CDH13: variants seen among roughly 807,000 people sequenced by gnomAD.
The protein encoded by CDH13 is cadherin-13.
Under a neutral mutation model 63.8 loss-of-function variants are expected in CDH13, and 24 were observed. The observed-to-expected ratio is 0.38, with a 90% CI of 0.27 to 0.53. CDH13 has a LOEUF of 0.53. Among genes scored for constraint, CDH13 ranks in the 20% least tolerant of loss-of-function variants. The pLI, the probability that CDH13 is intolerant of heterozygous loss-of-function variation, is 0.85. For missense variants in CDH13, 1,049 were observed against 903.1 expected (o/e 1.16, Z -2.07); for synonymous variants, 503 against 355.3 (o/e 1.42, Z -4.67).
At chr16:83,236,464 A>T (rs892702424) in intron 5 of CDH13, among the ~76,000 whole-genome samples, 12 of 152,212 alleles carry the variant, frequency 7.9e-5, no homozygotes, top group African/African-American at 2.9e-4. Context: ...ACCATTATAG[A>T]AGTTACTCTT....
At chr16:82,924,175 A>C (rs2042238115) in intron 2 of CDH13, among the ~76,000 whole-genome samples, 1 of 152,222 alleles carries the variant, frequency 6.6e-6, no homozygotes, top group East Asian at 1.9e-4. Context: ...TTCTGTAAGA[A>C]GGTGGTAAAT....
intron 2 of CDH13, among the ~76,000 whole-genome samples, chr16:82,897,929 A>G (rs1029649217): frequency 1.3e-5 from 2 of 152,232 alleles, no homozygotes; most frequent in African/African-American, 4.8e-5. Flanking sequence ...TCCATGGACT[A>G]AGTGTTAATC....
At chr16:82,914,399 G>A (rs2041922517) in intron 2 of CDH13, among the ~76,000 whole-genome samples, 1 of 152,170 alleles carries the variant, frequency 6.6e-6, no homozygotes, top group Non-Finnish European at 1.5e-5. Flanking sequence ...CCTACGTTCA[G>A]CAATTTTAAG....
At chr16:83,398,396 C>T (rs1253221475) in intron 6 of CDH13, among the ~76,000 whole-genome samples, 1 of 152,096 alleles carries the variant, frequency 6.6e-6, no homozygotes, top group Non-Finnish European at 1.5e-5. Flanking sequence ...TTTACGTGGC[C>T]TCCTCCTCTT....
chr16:83,064,283 C>G (rs995749124), intron 3 of CDH13, among the ~76,000 whole-genome samples: 2 of 152,112 alleles, frequency 1.3e-5, no homozygotes, highest in African/African-American at 4.8e-5. Flanking sequence ...ATAGGAAAAT[C>G]GCTTGAACCC....
At chr16:83,627,889 T>G (rs892378384) in intron 8 of CDH13, among the ~76,000 whole-genome samples, 8 of 152,226 alleles carry the variant, frequency 5.3e-5, no homozygotes, top group African/African-American at 1.4e-4. Flanking sequence ...GACTGTGTGT[T>G]AAACAAGGAG....
intron 4 of CDH13, among the ~76,000 whole-genome samples, chr16:83,202,078 G>A (rs983910623): frequency 1.3e-5 from 2 of 152,094 alleles, no homozygotes; most frequent in Non-Finnish European, 2.9e-5. Flanking sequence ...CTCTGCTAAT[G>A]GCCCCATAGT....
intron 1 of CDH13, chr16:82,826,741 C>G (rs1163061855): frequency 6.6e-6 from 1 of 152,098 alleles, no homozygotes; most frequent in African/African-American, 2.4e-5. Context: ...TTGTAAGTAA[C>G]TTAGTGGATT....
rs149121549 is a variant in CDH13 at position 83,226,852 on chromosome 16, T to G, written c.636+9355T>G. Among the ~76,000 whole-genome samples, 375 of 152,224 alleles carry G rather than the reference T, an allele frequency of 2.5e-3. 3 individuals carry two copies. Among genetic ancestry groups the G allele is most frequent in the Middle Eastern group, 3.4e-3 (1 of 294 alleles). ...CAGATCCCCAAATGCAGGGGCACGGTGGGGGACCATCCATTCCAGCTCCCG... is the reference window on the plus strand; with the variant it reads ...CAGATCCCCAAATGCAGGGGCACGGGGGGGGACCATCCATTCCAGCTCCCG... On this transcript the variant is annotated intron_variant, in intron 5 of 13. Transcript: ENST00000567109.
intron 1 of CDH13, among the ~76,000 whole-genome samples, chr16:82,788,096 T>C (rs550486086): frequency 6.6e-6 from 1 of 152,248 alleles, no homozygotes; most frequent in African/African-American, 2.4e-5. Flanking sequence ...TAACCAAATA[T>C]AATTTGCCAC....
chr16:83,585,693 G>A (rs374789971), intron 7 of CDH13, among the ~76,000 whole-genome samples: 29 of 152,078 alleles, frequency 1.9e-4, no homozygotes, highest in Admixed American at 9.8e-4. Context: ...TTAGAGACTC[G>A]GTGGAGATTG....
chr16:83,452,074 G>A (rs541752547), intron 6 of CDH13, among the ~76,000 whole-genome samples: 8 of 152,178 alleles, frequency 5.3e-5, no homozygotes, highest in African/African-American at 1.2e-4. Context: ...AATGTCACAC[G>A]CACTCCCCAC....
chr16:83,163,578 C>T (rs1190741527), intron 4 of CDH13, among the ~76,000 whole-genome samples: 1 of 152,108 alleles, frequency 6.6e-6, no homozygotes, highest in African/African-American at 2.4e-5. Context: ...AAATTTCCGA[C>T]TCTGTTTTCT....
chr16:83,573,269 T>A (rs958332495), intron 7 of CDH13, among the ~76,000 whole-genome samples: 1 of 152,172 alleles, frequency 6.6e-6, no homozygotes, highest in African/African-American at 2.4e-5. Context: ...AGAGCCAAAC[T>A]ATGTGTATTT....
At chr16:82,953,957 T>A (rs1388067650) in intron 2 of CDH13, 1 of 152,204 alleles carries the variant, frequency 6.6e-6, no homozygotes, top group African/African-American at 2.4e-5. Flanking sequence ...CTAGGAGGAA[T>A]GCACTCTGAT....
intron 6 of CDH13, among the ~76,000 whole-genome samples, chr16:83,411,211 C>T (rs2092121117): frequency 6.6e-6 from 1 of 152,222 alleles, no homozygotes; most frequent in Non-Finnish European, 1.5e-5. Flanking sequence ...CTAATCTCTG[C>T]ATAGCTGAGA....
rs184168002 is a variant in CDH13, at chr16:82,657,821, C to T, written c.45+30684C>T. On this transcript the variant is annotated intron_variant, in intron 1 of 13. Transcript: ENST00000567109. ...ATAATTACTTATTCTTGGAGTTTGTCAATTTTTTTGGATTTCTTACATAGA... is the reference window on the plus strand; with the variant it reads ...ATAATTACTTATTCTTGGAGTTTGTTAATTTTTTTGGATTTCTTACATAGA... Among the ~76,000 whole-genome samples the T allele has an allele frequency of 1.5e-3, 232 of 152,236 alleles. 1 individual carries two copies. The highest frequency in any genetic ancestry group is 0.014 in the Admixed American group (207 of 15,292).
At chr16:83,399,554 T>C (rs2091936858) in intron 6 of CDH13, among the ~76,000 whole-genome samples, 2 of 152,170 alleles carry the variant, frequency 1.3e-5, no homozygotes, top group African/African-American at 2.4e-5. Flanking sequence ...CATTGAGATA[T>C]GGGGACTTTG....
intron 2 of CDH13, among the ~76,000 whole-genome samples, chr16:82,873,286 T>C (rs890380206): frequency 6.6e-6 from 1 of 152,168 alleles, no homozygotes; most frequent in African/African-American, 2.4e-5. Context: ...GTCTTGCAAA[T>C]AGGATTATAA....
Sources: gnomAD v4.1 joint callset for allele counts (sites outside exome capture counted in the v4.1 genomes callset) on GRCh38, gnomAD v4.1.1 for gene constraint, MANE v1.5 for transcripts, NCBI Gene and HGNC (gene_info 2026-07-23, HGNC 2026-07-21) for gene names.